CAMKMT: variants seen among roughly 807,000 people sequenced by gnomAD.
CAMKMT encodes CaM KMT.
A neutral mutation model predicts 48.0 loss-of-function variants in CAMKMT; 53 were observed. The ratio of observed to expected loss-of-function variants is 1.10; its 90% CI spans 0.89 to 1.39. The LOEUF (loss-of-function observed/expected upper bound fraction) is 1.39. Among genes scored for constraint, CAMKMT ranks in the 40% most tolerant of loss-of-function variants. The probability of loss-of-function intolerance (pLI) is 0.00; values close to 1 mark genes in which losing one functional copy is unlikely to be tolerated. For missense variants in CAMKMT, 428 were observed against 402.7 expected (o/e 1.06, Z -0.54); for synonymous variants, 165 against 152.3 (o/e 1.08, Z -0.61).
intron 3 of CAMKMT, among the ~76,000 whole-genome samples, chr2:44,587,240 T>C (rs1281611825): frequency 2.0e-5 from 3 of 152,176 alleles, no homozygotes; most frequent in Non-Finnish European, 4.4e-5. Flanking sequence ...AAGAAGTGAC[T>C]TCTTAACAAT....
At chr2:44,394,446 T>A (rs1226289619) in intron 3 of CAMKMT, among the ~76,000 whole-genome samples, 1 of 151,632 alleles carries the variant, frequency 6.6e-6, no homozygotes, top group Non-Finnish European at 1.5e-5. Flanking sequence ...TTTTTTTTTT[T>A]AATGGAGTTT....
intron 3 of CAMKMT, chr2:44,456,418 G>T: frequency 1.2e-6 from 1 of 850,158 alleles, no homozygotes. Context: ...AGAATATTTA[G>T]GTCTTTTAGC....
chr2:44,743,648 A>G lies in CAMKMT; in HGVS notation c.650A>G (p.Asp217Gly), dbSNP rs1350210346. Reference protein sequence around the residue: ...SCVLRWDNETDVSQLEGHFDI... With the variant: ...SCVLRWDNETGVSQLEGHFDI... The stretch of plus-strand genomic sequence containing the variant: ...GTTTTACGATGGGATAATGAGACAG[A>G]TGTCTCTCAACTGGAAGGACATTTT... The change falls in exon 8 of 11, where the codon GAT becomes GGT. Residue 217 changes from aspartate to glycine, a missense_variant. Coordinates refer to ENST00000378494, the MANE Select transcript of CAMKMT (RefSeq NM_024766.5). 1.2e-6 allele frequency: 2 copies of G among 1,613,296 alleles called. No homozygotes were observed. Among genetic ancestry groups the G allele is most frequent in the Admixed American group, 1.7e-5 (1 of 59,962 alleles).
chr2:44,557,049 G>A (rs1668053918), intron 3 of CAMKMT, among the ~76,000 whole-genome samples: 1 of 152,168 alleles, frequency 6.6e-6, no homozygotes, highest in Non-Finnish European at 1.5e-5. Flanking sequence ...CACCTATGTG[G>A]TTTGCTTTAA....
intron 3 of CAMKMT, among the ~76,000 whole-genome samples, chr2:44,464,886 T>G (rs1440570825): frequency 2.0e-5 from 3 of 152,030 alleles, no homozygotes; most frequent in Admixed American, 6.5e-5. Context: ...CAAAAACATA[T>G]GAAAATGTAA....
At chr2:44,435,401 CT>C (rs1666171697) in intron 3 of CAMKMT, among the ~76,000 whole-genome samples, 1 of 152,100 alleles carries the variant, frequency 6.6e-6, no homozygotes, top group Non-Finnish European at 1.5e-5. Context: ...TTGAAACCCC[CT>C]AAATGACATT....
At chr2:44,551,372 T>C (rs1232463603) in intron 3 of CAMKMT, among the ~76,000 whole-genome samples, 1 of 152,182 alleles carries the variant, frequency 6.6e-6, no homozygotes, top group Non-Finnish European at 1.5e-5. Context: ...ATTGGAAGGA[T>C]TGGAAGTTCT....
At chr2:44,375,895 C>T (rs1246025379) in intron 2 of CAMKMT, among the ~76,000 whole-genome samples, 3 of 152,070 alleles carry the variant, frequency 2.0e-5, no homozygotes, top group East Asian at 3.9e-4. Context: ...AAGTGACTCT[C>T]CTGCCTCAGC....
chr2:44,596,773 T>C (rs1356923514), intron 3 of CAMKMT, among the ~76,000 whole-genome samples: 3 of 151,982 alleles, frequency 2.0e-5, no homozygotes, highest in South Asian at 4.2e-4. Flanking sequence ...CCCGAGAAAA[T>C]CCCAGGCAAA....
intron 1 of CAMKMT, among the ~76,000 whole-genome samples, chr2:44,368,428 C>T (rs1678836429): frequency 6.6e-6 from 1 of 152,148 alleles, no homozygotes; most frequent in Non-Finnish European, 1.5e-5. Context: ...ATTACTTTTA[C>T]CTAACATGGA....
intron 8 of CAMKMT, among the ~76,000 whole-genome samples, chr2:44,745,232 C>A (rs1299957959): frequency 6.6e-6 from 1 of 152,154 alleles, no homozygotes; most frequent in East Asian, 1.9e-4. Context: ...GAAGGCAGGT[C>A]TGGCCAGGAG....
intron 1 of CAMKMT, 80 bp downstream of exon 1, chr2:44,362,225 C>G (rs1228633931): frequency 7.8e-7 from 1 of 1,277,708 alleles, no homozygotes; most frequent in Admixed American, 4.0e-5. Flanking sequence ...GTTCGCAGTT[C>G]TTTCCTCTTG....
At chr2:44,668,353 C>T (rs529363471) in intron 3 of CAMKMT, among the ~76,000 whole-genome samples, 1 of 152,308 alleles carries the variant, frequency 6.6e-6, no homozygotes, top group African/African-American at 2.4e-5. Context: ...GCTTCAGACC[C>T]CAGCTCTCCT....
rs192412848 is a variant in CAMKMT, at chr2:44,486,137, G to A, written c.376+95832G>A. Among the ~76,000 whole-genome samples, 8 of 152,080 alleles carry A rather than the reference G, an allele frequency of 5.3e-5. No homozygotes were observed. The East Asian group carries it at 1.4e-3, about 26-fold the overall frequency. Reference sequence around the variant, plus strand: ...GTGCCACCACGCCTGGCTAATCTTTGTATTTTTTTAGTAGAGACGGAGTTT... The same window carrying A: ...GTGCCACCACGCCTGGCTAATCTTTATATTTTTTTAGTAGAGACGGAGTTT... On this transcript the variant is annotated intron_variant, in intron 3 of 10. Coordinates refer to ENST00000378494, the MANE Select transcript of CAMKMT (RefSeq NM_024766.5).
chr2:44,366,348 A>G (rs562554270), intron 1 of CAMKMT, among the ~76,000 whole-genome samples: 1 of 152,360 alleles, frequency 6.6e-6, no homozygotes, highest in Non-Finnish European at 1.5e-5. Flanking sequence ...ACTACCACGT[A>G]CTGGATGCTC....
chr2:44,723,604 A>T (rs1262503251), intron 7 of CAMKMT: 2 of 67,808 alleles, frequency 2.9e-5, no homozygotes, highest in South Asian at 1.1e-3. Flanking sequence ...AAATAAATAC[A>T]TACATAAATA....
At chr2:44,675,505 T>C (rs941489854) in intron 3 of CAMKMT, among the ~76,000 whole-genome samples, 3 of 152,114 alleles carry the variant, frequency 2.0e-5, no homozygotes, top group Non-Finnish European at 4.4e-5. Context: ...TCTTCCTTTC[T>C]GGTAAGAGAG....
chr2:44,722,092 T>A (rs1224092644), intron 7 of CAMKMT, among the ~76,000 whole-genome samples: 1 of 152,220 alleles, frequency 6.6e-6, no homozygotes, highest in Non-Finnish European at 1.5e-5. Flanking sequence ...TTGTCATTTT[T>A]GGTACTATTC....
At chr2:44,385,459 C>T (rs1449150889) in intron 2 of CAMKMT, among the ~76,000 whole-genome samples, 1 of 151,756 alleles carries the variant, frequency 6.6e-6, no homozygotes, top group African/African-American at 2.4e-5. Context: ...TTTACTGATG[C>T]CCTTTCTTTC....
Sources: allele counts gnomAD v4.1 joint callset (sites outside exome capture counted in the v4.1 genomes callset), GRCh38; gene constraint gnomAD v4.1.1; transcripts MANE v1.5; gene names NCBI Gene and HGNC (gene_info 2026-07-23, HGNC 2026-07-21).